The following SHANK2 variants were observed in gnomAD, a reference collection of about 807,000 sequenced individuals.
SHANK2 encodes SH3 and multiple ankyrin repeat domains protein 2.
In SHANK2, 43 loss-of-function variants were observed where a neutral mutation model predicts 133.7. That is an observed-to-expected ratio of 0.32 (90% CI 0.25 to 0.41). The LOEUF is 0.41. Ranked by LOEUF, SHANK2 falls within the 10% of genes least tolerant of loss-of-function variation. The probability of loss-of-function intolerance (pLI) is 1.00; values close to 1 mark genes in which losing one functional copy is unlikely to be tolerated. For missense variants in SHANK2, 1,994 were observed against 2,235.8 expected (o/e 0.89, Z 2.18); for synonymous variants, 1,017 against 952.8 (o/e 1.07, Z -1.24).
intron 17 of SHANK2, among the ~76,000 whole-genome samples, chr11:70,517,605 A>G (rs979815034): frequency 6.6e-6 from 1 of 152,228 alleles, no homozygotes; most frequent in Non-Finnish European, 1.5e-5. Context: ...AAAGAAGCCA[A>G]TCTGAAAAGG....
intron 13 of SHANK2, among the ~76,000 whole-genome samples, chr11:70,803,353 C>CCATCCATCCAT (rs1948093810): frequency 7.8e-6 from 1 of 128,912 alleles, no homozygotes. Context: ...CATCCATTTA[C>CCATCCATCCAT]CTATCCATCC....
intron 25 of SHANK2, among the ~76,000 whole-genome samples, chr11:70,482,930 C>G (rs2058755358): frequency 6.6e-6 from 1 of 152,128 alleles, no homozygotes; most frequent in African/African-American, 2.4e-5. Flanking sequence ...AGGAGCTGGC[C>G]CAGCCTGAAG....
At chr11:71,172,199 C>T (rs1409010575) in intron 2 of SHANK2, among the ~76,000 whole-genome samples, 1 of 152,216 alleles carries the variant, frequency 6.6e-6, no homozygotes, top group African/African-American at 2.4e-5. Flanking sequence ...ATGCCACCGT[C>T]CTGCCAGCTC....
At chr11:70,530,539 A>G (rs2059454519) in intron 17 of SHANK2, among the ~76,000 whole-genome samples, 1 of 152,208 alleles carries the variant, frequency 6.6e-6, no homozygotes, top group South Asian at 2.1e-4. Context: ...CTGTCTCAAA[A>G]AAATTTAAAA....
rs1275760352 is a variant in SHANK2, at chr11:71,167,965, A to G, written c.-12-20627T>C. ...CTGCCGGACGAGGTGGCTGCCGGGCAGAGAAGCTCCTCACTTCCCAGACGG... is the reference window on the plus strand; with the variant it reads ...CTGCCGGACGAGGTGGCTGCCGGGCGGAGAAGCTCCTCACTTCCCAGACGG... On this transcript the variant is annotated intron_variant, in intron 2 of 25. Coordinates refer to ENST00000601538, the MANE Select transcript of SHANK2 (RefSeq NM_012309.5). Among the ~76,000 whole-genome samples, 122 of 121,216 alleles carry G rather than the reference A, an allele frequency of 1.0e-3. 2 individuals carry two copies. Among genetic ancestry groups the G allele is most frequent in the Non-Finnish European group, 1.8e-3 (103 of 56,586 alleles). 79.5% of individuals were successfully genotyped at this position (121,216 alleles called of 152,430 possible). A position where few individuals can be genotyped will look rare whatever the true frequency, so the allele number is the denominator to read the frequency against.
At chr11:70,624,804 G>C (rs1175007391) in intron 17 of SHANK2, among the ~76,000 whole-genome samples, 1 of 152,158 alleles carries the variant, frequency 6.6e-6, no homozygotes, top group Non-Finnish European at 1.5e-5. Flanking sequence ...TGTCGTCCTG[G>C]GGCAACACTG....
At chr11:70,875,524 A>AAACAACAAC (rs71049946) in intron 11 of SHANK2, among the ~76,000 whole-genome samples, 8,002 of 146,512 alleles carry the variant, frequency 0.055, 306 homozygotes, top group African/African-American at 0.097. Flanking sequence ...ACTCCGTCTC[A>AAACAACAAC]AACAACAACA....
chr11:71,155,507 GC>G (rs1426067494), intron 2 of SHANK2, among the ~76,000 whole-genome samples: 11 of 151,494 alleles, frequency 7.3e-5, no homozygotes, highest in Non-Finnish European at 1.5e-4. Context: ...CCCCTCCCAT[GC>G]CCCCAGCCAC....
chr11:70,742,165 C>T (rs1390895179), intron 14 of SHANK2, among the ~76,000 whole-genome samples: 3 of 152,228 alleles, frequency 2.0e-5, no homozygotes, highest in East Asian at 1.9e-4. Context: ...CCTGAGCCCA[C>T]ATCCCCTGTG....
chr11:71,094,485 G>A lies in SHANK2; in HGVS notation c.744+52C>T, dbSNP rs545305360. 4.8e-4 allele frequency: 724 copies of A among 1,514,920 alleles called. 2 individuals carry two copies. In the East Asian group the frequency reaches 5.0e-3, roughly 10 times the overall value. 93.8% of individuals were successfully genotyped at this position (1,514,920 alleles called of 1,614,324 possible). On this transcript the variant is annotated intron_variant, in intron 7 of 25. Coordinates refer to ENST00000601538, the MANE Select transcript of SHANK2 (RefSeq NM_012309.5). ...ACTGCGGGGATGGGATGGGGCAGCC[G>A]CACGGAATCAGAGCACGGGGTGGCA...
At chr11:70,782,611 C>T (rs7938826) in intron 14 of SHANK2, among the ~76,000 whole-genome samples, 146,974 of 152,354 alleles carry the variant, frequency 0.96, 71,121 homozygotes, top group East Asian at 1. Context: ...AGCAGTCATC[C>T]GCACACCTGC....
intron 14 of SHANK2, among the ~76,000 whole-genome samples, chr11:70,711,063 C>T (rs1257688241): frequency 1.3e-5 from 2 of 152,122 alleles, no homozygotes; most frequent in African/African-American, 4.8e-5. Context: ...TCCCTTCTTC[C>T]CTCCCTTGAA....
At chr11:71,093,843 G>A (rs781944855) in intron 7 of SHANK2, among the ~76,000 whole-genome samples, 9 of 152,234 alleles carry the variant, frequency 5.9e-5, no homozygotes, top group Non-Finnish European at 8.8e-5. Context: ...GGGACAGCGA[G>A]GCCCCCGTCT....
At chr11:71,105,705 G>A (rs921870487) in intron 6 of SHANK2, among the ~76,000 whole-genome samples, 1 of 151,980 alleles carries the variant, frequency 6.6e-6, no homozygotes, top group East Asian at 1.9e-4. Context: ...ATACTGTGAC[G>A]GTGGATACAG....
intron 15 of SHANK2, among the ~76,000 whole-genome samples, chr11:70,665,304 C>A (rs1397842546): frequency 3.3e-5 from 5 of 152,118 alleles, no homozygotes; most frequent in Non-Finnish European, 5.9e-5. Flanking sequence ...CCATGCCCAG[C>A]TAATTTTTAA....
intron 25 of SHANK2, among the ~76,000 whole-genome samples, chr11:70,480,788 C>A (rs1555151341): frequency 6.6e-6 from 1 of 152,220 alleles, no homozygotes; most frequent in Non-Finnish European, 1.5e-5. Context: ...TAGAAAGTAG[C>A]TCAGTGAACT....
intron 17 of SHANK2, among the ~76,000 whole-genome samples, chr11:70,533,913 T>C (rs1037048346): frequency 6.6e-6 from 1 of 152,202 alleles, no homozygotes; most frequent in African/African-American, 2.4e-5. Flanking sequence ...CCTTCCATGC[T>C]CACCCACAAG....
chr11:70,875,795 G>C (rs368559952), intron 11 of SHANK2, among the ~76,000 whole-genome samples: 2 of 151,004 alleles, frequency 1.3e-5, no homozygotes, highest in Non-Finnish European at 2.9e-5. Context: ...GGTCGAGACC[G>C]CAGTTGGCGG....
At chr11:71,156,111 C>T (rs1268028240) in intron 2 of SHANK2, among the ~76,000 whole-genome samples, 3 of 152,184 alleles carry the variant, frequency 2.0e-5, no homozygotes, top group African/African-American at 7.2e-5. Flanking sequence ...TCAGGAGGAC[C>T]CAGCCCTGCC....
Sources: allele counts gnomAD v4.1 joint callset (sites outside exome capture counted in the v4.1 genomes callset), GRCh38; gene constraint gnomAD v4.1.1; transcripts MANE v1.5; gene names NCBI Gene and HGNC (gene_info 2026-07-23, HGNC 2026-07-21).